The following C17orf67 variants were observed in gnomAD, a reference collection of about 807,000 sequenced individuals.
C17orf67 encodes uncharacterized protein C17orf67.
In C17orf67, 12 loss-of-function variants were observed where a neutral mutation model predicts 11.2. The ratio of observed to expected loss-of-function variants is 1.07; its 90% CI spans 0.68 to 1.73. The LOEUF (loss-of-function observed/expected upper bound fraction) is 1.73, where lower values mean the gene tolerates loss of function less well. Among genes scored for constraint, C17orf67 ranks in the 40% most tolerant of loss-of-function variants. C17orf67 has a pLI of 0.00. For synonymous variants in C17orf67, 59 were observed against 46.9 expected (o/e 1.26, Z -1.05); for missense variants, 115 against 113.5 (o/e 1.01, Z -0.06).
chr17:56,805,535 C>T (rs1197872001), intron 6 of C17orf67, among the ~76,000 whole-genome samples: 1 of 152,190 alleles, frequency 6.6e-6, no homozygotes, highest in African/African-American at 2.4e-5. Context: ...ACCTCTACTA[C>T]AATACTCTCT....
At chr17:56,813,992 G>A (rs1251784532) in intron 6 of C17orf67, among the ~76,000 whole-genome samples, 1 of 152,126 alleles carries the variant, frequency 6.6e-6, no homozygotes, top group Non-Finnish European at 1.5e-5. Context: ...TCGTCACTGT[G>A]CAATACTATA....
intron 6 of C17orf67, among the ~76,000 whole-genome samples, chr17:56,811,614 C>T (rs1423214586): frequency 1.3e-5 from 2 of 152,224 alleles, no homozygotes; most frequent in Non-Finnish European, 1.5e-5. Context: ...GAGCCCAAAT[C>T]AGGCTGGGGC....
rs554315469 is a variant in C17orf67 at position 56,811,878 on chromosome 17, G to A, written c.156+2991C>T. ...TTTTATGTTCCCAACTAGACCACAGGAGCTGGTACACACGTGGCTGATTTC... is the reference window on the plus strand; with the variant it reads ...TTTTATGTTCCCAACTAGACCACAGAAGCTGGTACACACGTGGCTGATTTC... On this transcript the variant is annotated intron_variant, in intron 6 of 7. Coordinates refer to ENST00000397861, the MANE Select transcript of C17orf67 (RefSeq NM_001085430.4). Among the ~76,000 whole-genome samples, 24 of 152,242 alleles carry A rather than the reference G, an allele frequency of 1.6e-4. No individual in the cohort carries two copies. The East Asian group carries it at 4.6e-3, about 29-fold the overall frequency.
intron 7 of C17orf67, among the ~76,000 whole-genome samples, chr17:56,793,613 A>G (rs1472361811): frequency 6.6e-6 from 1 of 152,246 alleles, no homozygotes; most frequent in Non-Finnish European, 1.5e-5. Context: ...CAACTTACAG[A>G]GGCAGAAGCA....
At chr17:56,804,284 G>A (rs1427204590) in intron 6 of C17orf67, 1 of 152,174 alleles carries the variant, frequency 6.6e-6, no homozygotes, top group Non-Finnish European at 1.5e-5. Flanking sequence ...TCATAAAGTG[G>A]ACAGTTATTC....
At chr17:56,817,553 C>T (rs1048195672) in intron 4 of C17orf67, among the ~76,000 whole-genome samples, 3 of 152,254 alleles carry the variant, frequency 2.0e-5, no homozygotes, top group Non-Finnish European at 4.4e-5. Flanking sequence ...ACCTCCTGAG[C>T]TCATGATCTC....
intron 6 of C17orf67, among the ~76,000 whole-genome samples, chr17:56,801,332 C>T (rs1024586248): frequency 1.3e-5 from 2 of 152,146 alleles, no homozygotes; most frequent in Non-Finnish European, 2.9e-5. Context: ...ATCATAAAAA[C>T]TCTAAATCAT....
chr17:56,798,184 C>A (rs984863607), intron 6 of C17orf67, among the ~76,000 whole-genome samples: 3 of 152,218 alleles, frequency 2.0e-5, no homozygotes, highest in Non-Finnish European at 4.4e-5. Context: ...TTCTACCCAG[C>A]CCGACTGCCT....
chr17:56,826,422 G>C (rs189122795), intron 2 of C17orf67, among the ~76,000 whole-genome samples: 25 of 152,324 alleles, frequency 1.6e-4, no homozygotes, highest in Non-Finnish European at 2.8e-4. Flanking sequence ...GCCCAAGGAG[G>C]TGAACTGACA....
intron 2 of C17orf67, among the ~76,000 whole-genome samples, chr17:56,829,374 T>A (rs1228672525): frequency 6.6e-6 from 1 of 152,178 alleles, no homozygotes; most frequent in Non-Finnish European, 1.5e-5. Context: ...ATCCAGACTC[T>A]CTAAGCAACA....
intron 2 of C17orf67, among the ~76,000 whole-genome samples, chr17:56,831,781 T>TAC (rs1906209660): frequency 6.6e-6 from 1 of 152,126 alleles, no homozygotes; most frequent in Non-Finnish European, 1.5e-5. Flanking sequence ...GCCATGTACA[T>TAC]ACGTACGACT....
intron 6 of C17orf67, among the ~76,000 whole-genome samples, chr17:56,812,890 G>A (rs1273634451): frequency 6.6e-6 from 1 of 152,132 alleles, no homozygotes; most frequent in Non-Finnish European, 1.5e-5. Flanking sequence ...CCAGAGTCTA[G>A]CCTGGCAACA....
intron 2 of C17orf67, among the ~76,000 whole-genome samples, chr17:56,829,312 T>C (rs1028299382): frequency 5.9e-5 from 9 of 151,978 alleles, no homozygotes; most frequent in African/African-American, 1.9e-4. Context: ...ACATCCCTGG[T>C]TCAAGAACTC....
chr17:56,805,810 T>A (rs1185688667), intron 6 of C17orf67, among the ~76,000 whole-genome samples: 1 of 151,958 alleles, frequency 6.6e-6, no homozygotes, highest in South Asian at 2.1e-4. Context: ...TGGTTACAAA[T>A]AGATTATAAT....
intron 6 of C17orf67, among the ~76,000 whole-genome samples, chr17:56,795,561 GC>G (rs1312103733): frequency 1.3e-5 from 2 of 152,120 alleles, no homozygotes; most frequent in African/African-American, 4.8e-5. Context: ...AGATTGCTGG[GC>G]CTATCTTACA....
At chr17:56,819,384 T>C (rs1905843183) in intron 4 of C17orf67, among the ~76,000 whole-genome samples, 1 of 152,216 alleles carries the variant, frequency 6.6e-6, no homozygotes. Flanking sequence ...CCACTCTCCA[T>C]CTCACAGCAC....
At chr17:56,809,375 G>A (rs1268770186) in intron 6 of C17orf67, among the ~76,000 whole-genome samples, 1 of 151,896 alleles carries the variant, frequency 6.6e-6, no homozygotes, top group Admixed American at 6.6e-5. Context: ...ACCTGGCGAT[G>A]CCATCTGCCA....
At chr17:56,826,117 G>C (rs1906024936) in intron 2 of C17orf67, among the ~76,000 whole-genome samples, 1 of 152,076 alleles carries the variant, frequency 6.6e-6, no homozygotes, top group South Asian at 2.1e-4. Flanking sequence ...ACCACACCCA[G>C]CTAATTTTTT....
chr17:56,818,759 G>A (rs11649870), intron 4 of C17orf67, among the ~76,000 whole-genome samples: 118,205 of 152,092 alleles, frequency 0.78, 46,064 homozygotes, highest in Middle Eastern at 0.85. Context: ...GAGATTTTAT[G>A]CCTTTTTTTG....
Sources: allele counts gnomAD v4.1 joint callset (sites outside exome capture counted in the v4.1 genomes callset), GRCh38; gene constraint gnomAD v4.1.1; transcripts MANE v1.5; gene names NCBI Gene and HGNC (gene_info 2026-07-23, HGNC 2026-07-21).